The following PTPRB variants were observed in gnomAD, a reference collection of about 807,000 sequenced individuals.
PTPRB encodes the protein receptor-type tyrosine-protein phosphatase beta.
In PTPRB, 97 loss-of-function variants were observed where a neutral mutation model predicts 238.1. That is an observed-to-expected ratio of 0.41 (90% CI 0.35 to 0.48). PTPRB has a LOEUF of 0.48. Ranked by LOEUF, PTPRB falls within the 20% of genes least tolerant of loss-of-function variation. The pLI, the probability that PTPRB is intolerant of heterozygous loss-of-function variation, is 0.30. For synonymous variants in PTPRB, 970 were observed against 995.4 expected (o/e 0.97, Z 0.48); for missense variants, 2,292 against 2,681.9 (o/e 0.85, Z 3.21).
chr12:70,552,192 G>C (rs1388986441), intron 21 of PTPRB, among the ~76,000 whole-genome samples: 1 of 152,038 alleles, frequency 6.6e-6, no homozygotes, highest in African/African-American at 2.4e-5. Context: ...TATTTAGAAA[G>C]TTGTAGAAGG....
intron 6 of PTPRB, 21 bp downstream of exon 6, chr12:70,594,446 A>T (rs564914298): frequency 5.6e-6 from 9 of 1,609,322 alleles, no homozygotes; most frequent in Non-Finnish European, 7.6e-6. Context: ...ATTCTTCTTC[A>T]GCTAGCTAGG....
At chr12:70,531,410 G>A (rs1565904332) in intron 32 of PTPRB, among the ~76,000 whole-genome samples, 1 of 152,124 alleles carries the variant, frequency 6.6e-6, no homozygotes, top group Non-Finnish European at 1.5e-5. Flanking sequence ...ATGCAGAGGA[G>A]TGAATGCTTG....
In PTPRB at chr12:70,587,916, T is replaced by C. The variant is rs148906123; in HGVS notation, c.2051-649A>G. The stretch of plus-strand genomic sequence containing the variant: ...AGGAGTTTGAGACCACCCTGGCCAA[T>C]ATGGCAAAACTCCATCTCTACTAAA... On this transcript the variant is annotated intron_variant, in intron 8 of 33. Coordinates refer to ENST00000334414, the MANE Select transcript of PTPRB (RefSeq NM_001109754.4). 6.2e-3 allele frequency among the ~76,000 whole-genome samples: 933 copies of C among 151,424 alleles called. 12 individuals are homozygous for C. Among genetic ancestry groups the C allele is most frequent in the African/African-American group, 0.022 (888 of 41,284 alleles).
chr12:70,614,871 T>C (rs1172621760), intron 3 of PTPRB, among the ~76,000 whole-genome samples: 3 of 152,194 alleles, frequency 2.0e-5, no homozygotes, highest in Non-Finnish European at 4.4e-5. Context: ...GAAATGTTAC[T>C]TTGATAAGTA....
intron 2 of PTPRB, among the ~76,000 whole-genome samples, chr12:70,635,003 AC>A (rs1188950974): frequency 6.6e-6 from 1 of 152,198 alleles, no homozygotes; most frequent in East Asian, 1.9e-4. Context: ...TCAGGACTGA[AC>A]TGTGTCCTGC....
chr12:70,614,889 G>A (rs925523064), intron 3 of PTPRB, among the ~76,000 whole-genome samples: 3 of 152,140 alleles, frequency 2.0e-5, no homozygotes, highest in Non-Finnish European at 4.4e-5. Flanking sequence ...GTAGTTTAAA[G>A]CCAAAAACCA....
intron 9 of PTPRB, among the ~76,000 whole-genome samples, chr12:70,583,977 T>C (rs1881633833): frequency 6.6e-6 from 1 of 152,182 alleles, no homozygotes; most frequent in Non-Finnish European, 1.5e-5. Context: ...AGATTTCAGC[T>C]ATTATAATTA....
chr12:70,534,683 A>G (rs1215511379), intron 30 of PTPRB, 32 bp from the exon 31 acceptor site: 12 of 1,607,488 alleles, frequency 7.5e-6, no homozygotes, highest in Non-Finnish European at 1.0e-5. Flanking sequence ...TAAAAGAGGA[A>G]CTGTCCAATG....
intron 20 of PTPRB, among the ~76,000 whole-genome samples, chr12:70,554,222 GC>G (rs1166727821): frequency 2.0e-5 from 3 of 152,180 alleles, no homozygotes; most frequent in African/African-American, 7.2e-5. Flanking sequence ...ATACCCATTG[GC>G]CTAGAAACTC....
rs1884993735 is a variant in PTPRB, at chr12:70,622,619, C to G, written c.479G>C (p.Arg160Thr). The G allele has an allele frequency of 1.9e-6, 3 of 1,576,606 alleles. No homozygotes were observed. The highest frequency in any genetic ancestry group is 2.6e-6 in the Non-Finnish European group (3 of 1,158,088). The change falls in exon 3 of 34, where the codon AGG becomes ACG. Residue 160 changes from arginine to threonine, a missense_variant. Arg to Thr is a moderately conservative substitution (Grantham distance 71). Transcript: ENST00000334414. ...GGGTGGAGCCGTGTTTCTAGTGCTC[C>G]TCACCGAAACTTCTGCTCCCAGGCC... ...KAGLGAEVSVRSTRNTAPPQI... is the reference protein window; with the variant it reads ...KAGLGAEVSVTSTRNTAPPQI...
intron 20 of PTPRB, 105 bp downstream of exon 20, chr12:70,555,055 A>G: frequency 7.4e-7 from 1 of 1,357,166 alleles, no homozygotes; most frequent in Non-Finnish European, 1.0e-6. Context: ...CAAAAATTAC[A>G]TTTTCTACTT....
chr12:70,550,014 C>A (rs1488426676), intron 21 of PTPRB, among the ~76,000 whole-genome samples: 1 of 152,200 alleles, frequency 6.6e-6, no homozygotes, highest in Non-Finnish European at 1.5e-5. Context: ...TCTGTCTCCC[C>A]TGTTGGACTG....
At chr12:70,569,452 G>A (rs143874756) in intron 14 of PTPRB, among the ~76,000 whole-genome samples, 14 of 152,288 alleles carry the variant, frequency 9.2e-5, no homozygotes, top group African/African-American at 3.4e-4. Context: ...GTATAAAAAT[G>A]TGTTCAAATG....
intron 15 of PTPRB, 45 bp downstream of exon 15, chr12:70,566,390 G>A (rs1020373767): frequency 1.3e-6 from 2 of 1,592,970 alleles, no homozygotes; most frequent in Non-Finnish European, 1.7e-6. Flanking sequence ...CACAATAGCA[G>A]ACATTGGCAA....
intron 4 of PTPRB, among the ~76,000 whole-genome samples, chr12:70,596,537 T>C (rs1207871156): frequency 1.3e-5 from 2 of 152,010 alleles, no homozygotes; most frequent in African/African-American, 2.4e-5. Context: ...AAAAAACCCA[T>C]TTAGCTACTA....
At chr12:70,596,818 T>C (rs1007283873) in intron 4 of PTPRB, among the ~76,000 whole-genome samples, 3 of 152,140 alleles carry the variant, frequency 2.0e-5, no homozygotes, top group Admixed American at 1.3e-4. Context: ...GGTTTTTAGA[T>C]ATTAGACAAC....
At chr12:70,579,695 CAAAAAAAAAAA>C (rs35887706) in intron 10 of PTPRB, among the ~76,000 whole-genome samples, 1 of 91,016 alleles carries the variant, frequency 1.1e-5, no homozygotes, top group African/African-American at 4.1e-5. Context: ...GACTCCATCT[CAAAAAAAAAAA>C]AAAAAAAAAG....
chr12:70,586,336 C>A (rs1881912892), intron 9 of PTPRB, among the ~76,000 whole-genome samples: 1 of 152,142 alleles, frequency 6.6e-6, no homozygotes, highest in African/African-American at 2.4e-5. Flanking sequence ...TAATGATCGC[C>A]ATTCTAACTG....
At position 70,594,619 on chromosome 12, in the gene PTPRB, A is replaced by G; in HGVS notation, c.1364T>C (p.Met455Thr). Residue 455 changes from methionine to threonine, a missense_variant, in exon 6 of 34, where the codon ATG (methionine) becomes ACG (threonine). Around this residue, in one of 4 missense-constraint regions of PTPRB, gnomAD observed 1,205 missense variants for 1,287.8 expected, o/e 0.94. Coordinates refer to ENST00000334414, the MANE Select transcript of PTPRB (RefSeq NM_001109754.4). ...GNVERYRLML[M>T]DKGILVHGGV... ...GCCATGAACTAGGATCCCTTTATCC[A>G]TTAGCATCAGCCGGTATCGTTCCAC... 1 of 1,614,020 alleles carries G rather than the reference A, an allele frequency of 6.2e-7. No homozygotes were observed. Among genetic ancestry groups the G allele is most frequent in the Non-Finnish European group, 8.5e-7 (1 of 1,179,890 alleles).
Sources: gnomAD v4.1 joint callset for allele counts (sites outside exome capture counted in the v4.1 genomes callset) on GRCh38, gnomAD v4.1.1 for gene constraint, gnomAD v4.1.1 regional missense constraint, MANE v1.5 for transcripts, NCBI Gene and HGNC (gene_info 2026-07-23, HGNC 2026-07-21) for gene names.